ABCB11: variants seen among roughly 807,000 people sequenced by gnomAD.
ABCB11 encodes ATP binding cassette subfamily B member 11.
ABCB11 carries 95 observed loss-of-function variants against 148.0 expected under a neutral mutation model. The observed-to-expected ratio is 0.64, with a 90% CI of 0.54 to 0.76. The LOEUF (loss-of-function observed/expected upper bound fraction) is 0.76, where lower values mean the gene tolerates loss of function less well. ABCB11 is among the 30% of genes least tolerant of loss of function. The pLI, the probability that ABCB11 is intolerant of heterozygous loss-of-function variation, is 0.00. For missense variants in ABCB11, 1,523 were observed against 1,617.8 expected, an observed-to-expected ratio of 0.94 and a Z score of 1.01; for synonymous variants, 591 against 555.4, an observed-to-expected ratio of 1.06 and a Z score of -0.90.
Position 168,970,097 on chromosome 2 carries a change from G to A in ABCB11, c.1757C>T (p.Thr586Ile), listed in dbSNP as rs1321213158. Residue 586 changes from threonine to isoleucine, a missense_variant, in exon 15 of 28, where the codon ACC (threonine) becomes ATC (isoleucine). Coordinates refer to ENST00000650372, the MANE Select transcript of ABCB11 (RefSeq NM_003742.4). ...TTCACTCTCATTGTCCAGAGCTGAGGTGGCCATGTCCAAAAGCAGAATCTT... is the reference window on the plus strand; with the variant it reads ...TTCACTCTCATTGTCCAGAGCTGAGATGGCCATGTCCAAAAGCAGAATCTT... ...NPKILLLDMA[T>I]SALDNESEAM... 4 of 1,612,838 alleles carry A rather than the reference G, an allele frequency of 2.5e-6. No individual in the cohort carries two copies. Among genetic ancestry groups the A allele is most frequent in the East Asian group, 2.2e-5 (1 of 44,812 alleles).
Position 168,995,331 on chromosome 2 carries a change from G to A in ABCB11, c.611+18C>T. On this transcript the variant is annotated intron_variant, in intron 7 of 27. Coordinates refer to ENST00000650372, the MANE Select transcript of ABCB11 (RefSeq NM_003742.4). ...TCCAAAAATCACACACTAAAATACT[G>A]TTTTACCAGCTACTTACTCAGAGAA... 2.5e-6 allele frequency: 4 copies of A among 1,610,086 alleles called. No homozygotes were observed. The highest frequency in any genetic ancestry group is 3.4e-6 in the Non-Finnish European group (4 of 1,177,834).
At chr2:169,020,694 A>G (rs1342807940) in intron 1 of ABCB11, among the ~76,000 whole-genome samples, 1 of 152,108 alleles carries the variant, frequency 6.6e-6, no homozygotes, top group Non-Finnish European at 1.5e-5. Flanking sequence ...AGGGACAGAA[A>G]ATAAATAAGT....
At chr2:168,968,925 T>C (rs1693439081) in intron 16 of ABCB11, among the ~76,000 whole-genome samples, 1 of 151,844 alleles carries the variant, frequency 6.6e-6, no homozygotes, top group African/African-American at 2.4e-5. Flanking sequence ...TTAATTTAGA[T>C]TGAGGTAACC....
Position 168,923,733 on chromosome 2 carries a change from G to C in ABCB11, c.3855C>G (p.Ile1285Met). 6.2e-7 allele frequency: 1 copy of C among 1,613,820 alleles called. No homozygotes were observed. The highest frequency in any genetic ancestry group is 8.5e-7 in the Non-Finnish European group (1 of 1,179,860). Reference protein sequence around the residue: ...HRLSTIQNADIIAVMAQGVVI... With the variant: ...HRLSTIQNADMIAVMAQGVVI... ...CCACCCCCTGTGCCATGACAGCAAT[G>C]ATATCCGCGTTCTGGATGGTGGACA... The change falls in exon 28 of 28, where the codon ATC becomes ATG. Residue 1285 changes from isoleucine to methionine, a missense_variant. Physicochemically the swap from Ile to Met is conservative, Grantham distance 10. Transcript: ENST00000650372.
chr2:169,016,692 A>G, intron 3 of ABCB11, 86 bp downstream of exon 3: 1 of 1,083,756 alleles, frequency 9.2e-7, no homozygotes, highest in Non-Finnish European at 1.4e-6. Context: ...AATGTGCATG[A>G]AAGTATTCTC....
intron 21 of ABCB11, 72 bp downstream of exon 21, chr2:168,944,533 G>T (rs1039244570): frequency 6.8e-7 from 1 of 1,467,354 alleles, no homozygotes. Flanking sequence ...ACATGCAGGT[G>T]ATTGTCAGAA....
intron 7 of ABCB11, 81 bp downstream of exon 7, chr2:168,995,268 T>G (rs1694676379): frequency 6.8e-7 from 1 of 1,461,038 alleles, no homozygotes; most frequent in Middle Eastern, 2.3e-4. Flanking sequence ...GAAAATATTT[T>G]TAAATTTTTA....
intron 12 of ABCB11, among the ~76,000 whole-genome samples, chr2:168,976,319 G>A (rs1466656490): frequency 2.6e-5 from 4 of 152,070 alleles, no homozygotes; most frequent in Non-Finnish European, 5.9e-5. Flanking sequence ...TCAACAGAGC[G>A]TCATACAGTT....
At chr2:168,993,994 C>T in intron 7 of ABCB11, 112 bp from the exon 8 acceptor site, 1 of 902,150 alleles carries the variant, frequency 1.1e-6, no homozygotes, top group Admixed American at 3.0e-5. Context: ...TCCCTATCAC[C>T]CTTGGATAGC....
intron 17 of ABCB11, among the ~76,000 whole-genome samples, chr2:168,964,862 A>C (rs1693231591): frequency 6.6e-6 from 1 of 151,816 alleles, no homozygotes; most frequent in East Asian, 1.9e-4. Context: ...ATTTAGCTCA[A>C]TGTGTTCATT....
intron 19 of ABCB11, 128 bp from the exon 20 acceptor site, chr2:168,945,089 C>A: frequency 1.6e-6 from 1 of 634,374 alleles, no homozygotes; most frequent in East Asian, 2.8e-5. Flanking sequence ...ATATACAACA[C>A]CAAGAGTGAA....
chr2:168,945,026 T>C (rs1574416295), intron 19 of ABCB11, 65 bp from the exon 20 acceptor site: 1 of 1,168,086 alleles, frequency 8.6e-7, no homozygotes, highest in Non-Finnish European at 1.2e-6. Flanking sequence ...TATTTACATG[T>C]TTAAAATGAA....
intron 18 of ABCB11, among the ~76,000 whole-genome samples, chr2:168,959,934 CAAAAAAAAA>C (rs375450217): frequency 2.3e-5 from 2 of 87,202 alleles, no homozygotes; most frequent in African/African-American, 4.7e-5. Flanking sequence ...ACTGCATCTC[CAAAAAAAAA>C]AAAAAAAAAA....
intron 18 of ABCB11, among the ~76,000 whole-genome samples, chr2:168,960,539 C>T (rs1001620699): frequency 2.0e-5 from 3 of 151,692 alleles, no homozygotes; most frequent in East Asian, 2.0e-4. Flanking sequence ...CATTTCAAAG[C>T]GATACAAAGT....
At chr2:168,993,171 G>C (rs553450104) in intron 8 of ABCB11, among the ~76,000 whole-genome samples, 55 of 152,132 alleles carry the variant, frequency 3.6e-4, no homozygotes, top group Admixed American at 5.9e-4. Flanking sequence ...GAACACAGTT[G>C]TGATTGCAGA....
intron 1 of ABCB11, among the ~76,000 whole-genome samples, chr2:169,026,845 C>T (rs1695712033): frequency 6.6e-6 from 1 of 152,136 alleles, no homozygotes; most frequent in Non-Finnish European, 1.5e-5. Flanking sequence ...AGTGTACCTC[C>T]TCCTCATTTG....
At chr2:168,960,357 G>A (rs1693015860) in intron 18 of ABCB11, among the ~76,000 whole-genome samples, 1 of 151,644 alleles carries the variant, frequency 6.6e-6, no homozygotes, top group Non-Finnish European at 1.5e-5. Context: ...TGGAACTTGT[G>A]AAGACTATTA....
chr2:168,947,721 T>A (rs879473729), intron 19 of ABCB11, among the ~76,000 whole-genome samples: 1 of 151,782 alleles, frequency 6.6e-6, no homozygotes, highest in African/African-American at 2.4e-5. Context: ...TAGTGGTTTG[T>A]TCGGCATCAT....
At chr2:168,959,313 T>C (rs1176240033) in intron 18 of ABCB11, among the ~76,000 whole-genome samples, 1 of 151,684 alleles carries the variant, frequency 6.6e-6, no homozygotes, top group African/African-American at 2.4e-5. Context: ...CAGCAGGTCC[T>C]TCTGTTCAAT....
Sources: gnomAD v4.1 joint callset for allele counts (sites outside exome capture counted in the v4.1 genomes callset) on GRCh38, gnomAD v4.1.1 for gene constraint, MANE v1.5 for transcripts, NCBI Gene and HGNC (gene_info 2026-07-23, HGNC 2026-07-21) for gene names.